The following PSTK variants were observed in gnomAD, a reference collection of about 807,000 sequenced individuals.
PSTK encodes the protein phosphoseryl-tRNA kinase.
PSTK carries 26 observed loss-of-function variants against 38.6 expected under a neutral mutation model. That is an observed-to-expected ratio of 0.67 (90% CI 0.49 to 0.94). PSTK has a LOEUF of 0.94. Among genes scored for constraint, PSTK ranks in the 40% least tolerant of loss-of-function variants. PSTK has a pLI of 0.00. For synonymous variants in PSTK, 181 were observed against 161.7 expected (o/e 1.12, Z -0.91); for missense variants, 445 against 436.3 (o/e 1.02, Z -0.18).
intron 4 of PSTK, 132 bp downstream of exon 4, chr10:122,986,507 A>C (rs1412718844): frequency 5.7e-6 from 4 of 703,240 alleles, no homozygotes; most frequent in African/African-American, 5.3e-5. Context: ...ACCAGCACTC[A>C]CTGCTGACAG....
Position 122,980,472 on chromosome 10 carries a change from C to A in PSTK, c.-8C>A, listed in dbSNP as rs377578362. The A allele has an allele frequency of 2.0e-5, 31 of 1,589,260 alleles. No homozygotes were observed. Among genetic ancestry groups the A allele is most frequent in the Non-Finnish European group, 2.5e-5 (29 of 1,172,052 alleles). On this transcript the variant is annotated 5_prime_UTR_variant, in exon 1 of 6. Coordinates refer to ENST00000406217, the MANE Select transcript of PSTK (RefSeq NM_001363531.2). The surrounding 1 kb of genome is among the most constrained non-coding windows in gnomAD (Gnocchi z 4.3). The stretch of plus-strand genomic sequence containing the variant: ...CGCTCCCAGACTCCTCCGGTCTCCC[C>A]GGGCAGCATGAAGACCGCCGAGAAC...
At position 122,980,508 on chromosome 10, in the gene PSTK, C is replaced by T; in HGVS notation, c.29C>T (p.Thr10Ile). 1 of 1,608,460 alleles carries T rather than the reference C, an allele frequency of 6.2e-7. No individual in the cohort carries two copies. The highest frequency in any genetic ancestry group is 8.5e-7 in the Non-Finnish European group (1 of 1,179,172). MKTAENIRGTGSDGPRKRGL... is the reference protein window; with the variant it reads MKTAENIRGIGSDGPRKRGL... ...AAGACCGCCGAGAACATCAGAGGAA[C>T]CGGCAGCGACGGGCCGCGGAAACGA... The change falls in exon 1 of 6, where the codon ACC becomes ATC. Residue 10 changes from threonine (T) to isoleucine (I), a missense_variant. Transcript: ENST00000406217. The surrounding 1 kb of genome is among the most constrained non-coding windows in gnomAD (Gnocchi z 4.3).
At position 122,987,391 on chromosome 10, in the gene PSTK, A is replaced by G. The variant is rs763129294; in HGVS notation, c.877+429A>G. 3.7e-6 allele frequency: 6 copies of G among 1,614,220 alleles called. No individual in the cohort carries two copies. In the South Asian group the frequency reaches 5.5e-5, roughly 15 times the overall value. The stretch of plus-strand genomic sequence containing the variant: ...AAGCAAAGATGGGTAAGAGCGAACC[A>G]TGCAGCTATCTGGAGGATCATTCTA... On this transcript the variant is annotated intron_variant, in intron 5 of 5. Transcript: ENST00000406217.
intron 4 of PSTK, 58 bp from the exon 5 acceptor site, chr10:122,986,811 T>C (rs1849040191): frequency 1.8e-6 from 2 of 1,113,474 alleles, no homozygotes; most frequent in Middle Eastern, 2.0e-4. Flanking sequence ...ACCTATTCTT[T>C]AGCCATTTAT....
At chr10:122,986,396 T>C in intron 4 of PSTK, 21 bp downstream of exon 4, 1 of 1,531,052 alleles carries the variant, frequency 6.5e-7, no homozygotes. Context: ...AGTGTAAATT[T>C]AATGTAAATG....
At chr10:122,989,498 C>T (rs930667101) in intron 5 of PSTK, among the ~76,000 whole-genome samples, 2 of 152,102 alleles carry the variant, frequency 1.3e-5, no homozygotes, top group Non-Finnish European at 2.9e-5. Context: ...GTGATCCGCC[C>T]ACCTCGGCCA....
chr10:122,988,218 TAAATA>T (rs967377086), intron 5 of PSTK, among the ~76,000 whole-genome samples: 7 of 152,058 alleles, frequency 4.6e-5, no homozygotes, highest in African/African-American at 1.4e-4. Flanking sequence ...AATGGCATCA[TAAATA>T]AAATAAGACA....
Position 122,980,921 on chromosome 10 carries a change from C to A in PSTK, c.216+226C>A. 3.9e-6 allele frequency: 2 copies of A among 519,386 alleles called. No homozygotes were observed. The highest frequency in any genetic ancestry group is 4.9e-6 in the Non-Finnish European group (2 of 404,430). The allele number at this position is 519,386 out of a possible 1,614,324, so 32.2% of individuals were successfully genotyped here. ...TACAAAGCCAACTGTTAGAACGATG[C>A]ATTTTAGATGCTTATCTGTATATTT... On this transcript the variant is annotated intron_variant, in intron 1 of 5. Transcript: ENST00000406217. This position sits in a 1 kb window ranked among gnomAD's most constrained non-coding sequence, Gnocchi z 4.3.
At chr10:122,988,084 C>G (rs940907079) in intron 5 of PSTK, among the ~76,000 whole-genome samples, 9 of 152,170 alleles carry the variant, frequency 5.9e-5, no homozygotes, top group African/African-American at 1.7e-4. Context: ...AAACAAGTTT[C>G]ACAAAACACC....
rs1435026624 is a variant in PSTK, at chr10:122,990,371, TA to T, written c.*2del. The T allele has an allele frequency of 7.0e-7, 1 of 1,438,174 alleles. No individual in the cohort carries two copies. Among genetic ancestry groups the T allele is most frequent in the Non-Finnish European group, 9.2e-7 (1 of 1,086,128 alleles). The allele number at this position is 1,438,174 out of a possible 1,614,324, so 89.1% of individuals were successfully genotyped here. On this transcript the variant is annotated frameshift_variant and stop_lost, in exon 6 of 6. Transcript: ENST00000406217. LOFTEE classifies it high-confidence loss of function. The part of the protein sequence containing the change: ...IVQKYFSKQH[*>X] ...ACAGAAGTATTTTTCAAAGCAGCAT[TA>T]AAATTTCTGAACTGCCAATCAAATG...
At position 122,980,705 on chromosome 10, in the gene PSTK, G is replaced by GAGGGGC. The variant is rs775653554; in HGVS notation, c.216+11_216+16dup. 3.6e-5 allele frequency: 54 copies of GAGGGGC among 1,494,338 alleles called. No homozygotes were observed. The highest frequency in any genetic ancestry group is 2.7e-6 in the Non-Finnish European group (3 of 1,116,366). The allele number at this position is 1,494,338 out of a possible 1,614,324, so 92.6% of individuals were successfully genotyped here. On this transcript the variant is annotated intron_variant, in intron 1 of 5. Transcript: ENST00000406217. This position sits in a 1 kb window ranked among gnomAD's most constrained non-coding sequence, Gnocchi z 4.3. ...AAGAGCGCGACCGGCGGTCAGCACG[G>GAGGGGC]AGGGGCGGGGCCTGGGCCGCGGGGC...
Position 122,986,284 on chromosome 10 carries a change from C to A in PSTK, c.708-16C>A. 6.6e-7 allele frequency: 1 copy of A among 1,520,050 alleles called. No homozygotes were observed. Among genetic ancestry groups the A allele is most frequent in the Non-Finnish European group, 9.0e-7 (1 of 1,115,222 alleles). 94.2% of individuals were successfully genotyped at this position (1,520,050 alleles called of 1,614,324 possible). Reference sequence around the variant, plus strand: ...GATATAAGGATCTATTGTATTTTATCCCATTTTCTCTGTAGCCTGGAAGTG... The same window carrying A: ...GATATAAGGATCTATTGTATTTTATACCATTTTCTCTGTAGCCTGGAAGTG... On this transcript the variant is annotated splice_polypyrimidine_tract_variant and intron_variant, in intron 3 of 5. Coordinates refer to ENST00000406217, the MANE Select transcript of PSTK (RefSeq NM_001363531.2).
Position 122,980,472 on chromosome 10 carries a change from C to T in PSTK, c.-8C>T, listed in dbSNP as rs377578362. 2.5e-6 allele frequency: 4 copies of T among 1,589,262 alleles called. No homozygotes were observed. The highest frequency in any genetic ancestry group is 1.4e-5 in the African/African-American group (1 of 73,982). ...CGCTCCCAGACTCCTCCGGTCTCCC[C>T]GGGCAGCATGAAGACCGCCGAGAAC... On this transcript the variant is annotated 5_prime_UTR_variant, in exon 1 of 6. Transcript: ENST00000406217. The surrounding 1 kb of genome is among the most constrained non-coding windows in gnomAD (Gnocchi z 4.3).
intron 2 of PSTK, 89 bp from the exon 3 acceptor site, chr10:122,983,183 A>G (rs1444083268): frequency 7.9e-7 from 1 of 1,269,338 alleles, no homozygotes; most frequent in Non-Finnish European, 1.1e-6. Flanking sequence ...TTTTCCTACT[A>G]TAATTGTCAT....
chr10:122,983,105 A>T (rs970296191), intron 2 of PSTK, 81 bp downstream of exon 2: 13 of 1,356,932 alleles, frequency 9.6e-6, no homozygotes, highest in Non-Finnish European at 1.1e-5. Context: ...TGAGAATTTA[A>T]CTTGATTAGG....
In PSTK at chr10:122,982,886, A is replaced by T. The variant is rs764325255; in HGVS notation, c.370A>T (p.Ile124Leu). 5.0e-5 allele frequency: 80 copies of T among 1,614,104 alleles called. No homozygotes were observed. Among genetic ancestry groups the T allele is most frequent in the Middle Eastern group, 3.3e-4 (2 of 6,084 alleles). Residue 124 changes from isoleucine to leucine, a missense_variant, in exon 2 of 6, where the codon ATA (isoleucine) becomes TTA (leucine). Physicochemically the swap from Ile to Leu is conservative, Grantham distance 5 (BLOSUM62 2). Coordinates refer to ENST00000406217, the MANE Select transcript of PSTK (RefSeq NM_001363531.2). ...AACCTGCTTAAAGGATCAAGATCTG[A>T]TATTTTCTGCAGCATTTGAGGCCCA... ...FITCLKDQDL[I>L]FSAAFEAQSC...
intron 3 of PSTK, 171 bp from the exon 4 acceptor site, chr10:122,986,126 CAGG>C (rs1849028570): frequency 2.7e-6 from 1 of 376,696 alleles, no homozygotes; most frequent in East Asian, 5.0e-5. Flanking sequence ...GAGGCTGAGG[CAGG>C]AGAATGGCGC....
intron 1 of PSTK, among the ~76,000 whole-genome samples, chr10:122,981,150 C>T (rs1018640368): frequency 6.6e-6 from 1 of 152,114 alleles, no homozygotes; most frequent in African/African-American, 2.4e-5. Flanking sequence ...TTTGAGGAAT[C>T]CTCTTTAAGA....
Position 122,982,984 on chromosome 10 carries a change from T to C in PSTK, c.468T>C (p.Tyr156=). ...TGGTTTTGGATGACAATTTTTATTA[T>C]CAGAGTATGAGATATGAAGTCTACC... ...LFLVLDDNFY[Y]QSMRYEVYQL... is the part of the protein sequence containing the mutation. Residue 156 remains tyrosine, a synonymous_variant, in exon 2 of 6, where the codon TAT becomes TAC. Transcript: ENST00000406217. 1 of 1,614,216 alleles carries C rather than the reference T, an allele frequency of 6.2e-7. No homozygotes were observed. Among genetic ancestry groups the C allele is most frequent in the South Asian group, 1.1e-5 (1 of 91,090 alleles).
Sources: allele counts gnomAD v4.1 joint callset (sites outside exome capture counted in the v4.1 genomes callset), GRCh38; gene constraint gnomAD v4.1.1; non-coding constraint Gnocchi (gnomAD v3.1); transcripts MANE v1.5; gene names NCBI Gene and HGNC (gene_info 2026-07-23, HGNC 2026-07-21).